NTN1: variants seen among roughly 807,000 people sequenced by gnomAD.
The protein encoded by NTN1 is netrin-1.
A neutral mutation model predicts 54.2 loss-of-function variants in NTN1; 11 were observed. The observed-to-expected ratio is 0.20, with a 90% CI of 0.13 to 0.34. The LOEUF is 0.34. NTN1 is among the 10% of genes least tolerant of loss of function. NTN1 has a pLI of 1.00. For missense variants in NTN1, 740 were observed against 893.1 expected, an observed-to-expected ratio of 0.83 and a Z score of 2.18; for synonymous variants, 371 against 382.0, an observed-to-expected ratio of 0.97 and a Z score of 0.33.
At chr17:9,183,204 AG>A (rs1452620663) in intron 5 of NTN1, 1 of 689,374 alleles carries the variant, frequency 1.5e-6, no homozygotes, top group East Asian at 2.8e-5. Context: ...CTCTCTCCCA[AG>A]CCTGGAACCC....
chr17:9,027,178 T>A (rs1430738946), intron 2 of NTN1, among the ~76,000 whole-genome samples: 1 of 152,200 alleles, frequency 6.6e-6, no homozygotes, highest in Admixed American at 6.5e-5. Context: ...CTGAAATTAT[T>A]TGCTGCTTAG....
At chr17:9,225,678 G>A (rs1905510811) in intron 6 of NTN1, among the ~76,000 whole-genome samples, 1 of 152,202 alleles carries the variant, frequency 6.6e-6, no homozygotes, top group South Asian at 2.1e-4. Flanking sequence ...GAGGGATCTG[G>A]CCTGGGGATG....
At chr17:9,027,350 G>A (rs1250577462) in intron 2 of NTN1, among the ~76,000 whole-genome samples, 3 of 152,082 alleles carry the variant, frequency 2.0e-5, no homozygotes, top group Non-Finnish European at 4.4e-5. Flanking sequence ...CTAATAATAG[G>A]GACTGTAATT....
chr17:9,032,474 C>T (rs775977985), intron 2 of NTN1, among the ~76,000 whole-genome samples: 152 of 152,316 alleles, frequency 1.0e-3, no homozygotes, highest in Non-Finnish European at 1.7e-3. Context: ...TGGGGCTTCT[C>T]CCACGTGAAG....
At chr17:9,163,812 T>C (rs1009048145) in intron 3 of NTN1, among the ~76,000 whole-genome samples, 3 of 152,188 alleles carry the variant, frequency 2.0e-5, no homozygotes, top group Non-Finnish European at 4.4e-5. Context: ...ACAAAATCTT[T>C]TGGGAATTCC....
chr17:9,150,895 A>G (rs2092325761), intron 2 of NTN1, among the ~76,000 whole-genome samples: 1 of 152,140 alleles, frequency 6.6e-6, no homozygotes, highest in Non-Finnish European at 1.5e-5. Context: ...AGCGGGAGAA[A>G]GAACCACAGG....
At chr17:9,218,197 T>C (rs1018961521) in intron 5 of NTN1, among the ~76,000 whole-genome samples, 5 of 152,208 alleles carry the variant, frequency 3.3e-5, no homozygotes, top group South Asian at 2.1e-4. Flanking sequence ...GTGATGCCAC[T>C]GCATAGCCAG....
At chr17:9,155,588 G>A (rs372947293) in intron 2 of NTN1, among the ~76,000 whole-genome samples, 37 of 152,174 alleles carry the variant, frequency 2.4e-4, no homozygotes, top group South Asian at 6.2e-4. Flanking sequence ...TGATCCGCCC[G>A]TCTCGGCCTC....
intron 4 of NTN1, 49 bp downstream of exon 4, chr17:9,180,005 A>C: frequency 6.3e-7 from 1 of 1,576,608 alleles, no homozygotes; most frequent in Non-Finnish European, 8.6e-7. Context: ...TGTGGGGGAC[A>C]GTGAGCTTTT....
intron 2 of NTN1, among the ~76,000 whole-genome samples, chr17:9,058,812 G>A (rs72809962): frequency 0.11 from 17,309 of 151,910 alleles, 1,287 homozygotes; most frequent in Non-Finnish European, 0.16. Context: ...GCTTGCCCCC[G>A]CCTAGAATTT....
rs777160042 is a variant in NTN1, at chr17:9,243,163, C to G, written c.*3195C>G. ...ACATAGGGCTGTCCCCGGGATTCACCTGCTGGCTGTGGTCTCTGCCCACTG... is the reference window on the plus strand; with the variant it reads ...ACATAGGGCTGTCCCCGGGATTCACGTGCTGGCTGTGGTCTCTGCCCACTG... On this transcript the variant is annotated 3_prime_UTR_variant, in exon 7 of 7. Transcript: ENST00000173229. The G allele has an allele frequency of 2.0e-5, 3 of 152,192 alleles. No homozygotes were observed. The highest frequency in any genetic ancestry group is 4.4e-5 in the Non-Finnish European group (3 of 68,058). The allele number at this position is 152,192 out of a possible 1,614,324, so 9.4% of individuals were successfully genotyped here.
intron 2 of NTN1, among the ~76,000 whole-genome samples, chr17:9,118,739 A>G (rs1454339462): frequency 6.6e-6 from 1 of 152,178 alleles, no homozygotes; most frequent in Non-Finnish European, 1.5e-5. Context: ...ATGAAATCAT[A>G]TAATATGTGA....
At chr17:9,138,181 C>T (rs1309295405) in intron 2 of NTN1, among the ~76,000 whole-genome samples, 1 of 152,202 alleles carries the variant, frequency 6.6e-6, no homozygotes, top group Non-Finnish European at 1.5e-5. Context: ...ACCCCCTGGG[C>T]GGGTGTCTGG....
chr17:9,028,764 T>C (rs2091879523), intron 2 of NTN1, among the ~76,000 whole-genome samples: 1 of 152,232 alleles, frequency 6.6e-6, no homozygotes, highest in African/African-American at 2.4e-5. Flanking sequence ...TAATAGACTT[T>C]CATGTTTACA....
At chr17:9,038,182 A>G (rs752003823) in intron 2 of NTN1, among the ~76,000 whole-genome samples, 2 of 150,810 alleles carry the variant, frequency 1.3e-5, no homozygotes, top group Non-Finnish European at 3.0e-5. Flanking sequence ...TATACTGCAA[A>G]CAGCTCCCCT....
intron 6 of NTN1, among the ~76,000 whole-genome samples, chr17:9,233,219 C>G (rs938437289): frequency 1.3e-5 from 2 of 152,190 alleles, no homozygotes; most frequent in African/African-American, 4.8e-5. Flanking sequence ...CACACTTAGG[C>G]CTTGCCAGGG....
chr17:9,049,356 A>G (rs543739590), intron 2 of NTN1, among the ~76,000 whole-genome samples: 2 of 152,348 alleles, frequency 1.3e-5, no homozygotes, highest in African/African-American at 2.4e-5. Context: ...CACCTGAACC[A>G]ACTGATCAGA....
At chr17:9,089,347 G>A (rs568950421) in intron 2 of NTN1, among the ~76,000 whole-genome samples, 2 of 152,030 alleles carry the variant, frequency 1.3e-5, no homozygotes, top group East Asian at 1.9e-4. Flanking sequence ...CCCGGGAGGC[G>A]GAGGTTGCAG....
chr17:9,007,219 T>A, the NTN1 span, among the ~76,000 whole-genome samples: 1 of 151,402 alleles, frequency 6.6e-6, no homozygotes, highest in Non-Finnish European at 1.5e-5. Context: ...CTTCCTTTCT[T>A]TCTCTCTGTT....
Sources: gnomAD v4.1 joint callset for allele counts (sites outside exome capture counted in the v4.1 genomes callset) on GRCh38, gnomAD v4.1.1 for gene constraint, MANE v1.5 for transcripts, NCBI Gene and HGNC (gene_info 2026-07-23, HGNC 2026-07-21) for gene names.